ALK: variants seen among roughly 807,000 people sequenced by gnomAD.
The protein encoded by ALK is ALK tyrosine kinase receptor.
A neutral mutation model predicts 163.1 loss-of-function variants in ALK; 74 were observed. The observed-to-expected ratio is 0.45, with a 90% CI of 0.38 to 0.55. The LOEUF (loss-of-function observed/expected upper bound fraction) is 0.55. Ranked by LOEUF, ALK falls within the 20% of genes least tolerant of loss-of-function variation. ALK has a pLI of 0.00. For synonymous variants in ALK, 960 were observed against 843.2 expected, an observed-to-expected ratio of 1.14 and a Z score of -2.40; for missense variants, 2,063 against 2,105.3, an observed-to-expected ratio of 0.98 and a Z score of 0.39.
chr2:29,387,049 C>T (rs1210071902), intron 4 of ALK, among the ~76,000 whole-genome samples: 3 of 152,172 alleles, frequency 2.0e-5, no homozygotes, highest in African/African-American at 7.2e-5. Flanking sequence ...TGGAGACAAA[C>T]GTACAGCTGG....
intron 3 of ALK, among the ~76,000 whole-genome samples, chr2:29,571,416 G>A (rs1214197190): frequency 2.0e-5 from 3 of 152,108 alleles, no homozygotes; most frequent in Non-Finnish European, 2.9e-5. Flanking sequence ...TCTTGTGATA[G>A]TGAGTTCTCA....
chr2:29,356,885 G>C (rs902847958), intron 5 of ALK, among the ~76,000 whole-genome samples: 4 of 152,062 alleles, frequency 2.6e-5, no homozygotes, highest in African/African-American at 9.7e-5. Context: ...CCAGGTTCCT[G>C]GGCATGAGCT....
At chr2:29,762,651 G>A (rs983643163) in intron 1 of ALK, among the ~76,000 whole-genome samples, 3 of 152,194 alleles carry the variant, frequency 2.0e-5, no homozygotes, top group African/African-American at 7.2e-5. Context: ...AGACATATGT[G>A]GCTCTGAACT....
Position 29,275,494 on chromosome 2 carries a change from A to C in ALK, c.1820T>G (p.Phe607Cys). The C allele has an allele frequency of 6.2e-7, 1 of 1,614,058 alleles. No individual in the cohort carries two copies. The highest frequency in any genetic ancestry group is 8.5e-7 in the Non-Finnish European group (1 of 1,179,962). The change falls in exon 10 of 29, where the codon TTC becomes TGC. Residue 607 changes from phenylalanine (F) to cysteine (C), a missense_variant and splice_region_variant. Physicochemically the swap from Phe to Cys is radical, Grantham distance 205 (BLOSUM62 -2). This residue lies in a region of ALK where 987 missense variants were observed against 939.5 expected (regional missense o/e 1.05). Transcript: ENST00000389048. ...CCACCATGCGACCATCTGCAGCCAGAACCTGTACACATCAAGAGGAATGTG... is the reference window on the plus strand; with the variant it reads ...CCACCATGCGACCATCTGCAGCCAGCACCTGTACACATCAAGAGGAATGTG... ...VLPLLDVSDR[F>C]WLQMVAWWGQ...
intron 3 of ALK, among the ~76,000 whole-genome samples, chr2:29,637,680 G>A (rs1476253543): frequency 7.4e-6 from 1 of 134,284 alleles, no homozygotes; most frequent in Admixed American, 7.9e-5. Context: ...CCGCACTCCA[G>A]CCTGGGTGAC....
At chr2:29,625,783 G>A (rs1160695890) in intron 3 of ALK, among the ~76,000 whole-genome samples, 2 of 152,206 alleles carry the variant, frequency 1.3e-5, no homozygotes, top group Non-Finnish European at 2.9e-5. Context: ...TGCTGCTGGA[G>A]GGCCAGGCTC....
chr2:29,473,298 C>T (rs1573383429), intron 4 of ALK, among the ~76,000 whole-genome samples: 1 of 152,136 alleles, frequency 6.6e-6, no homozygotes, highest in Non-Finnish European at 1.5e-5. Context: ...GAGCCTATAC[C>T]TCTACTTAAT....
At chr2:29,674,153 G>T (rs1677798202) in intron 3 of ALK, among the ~76,000 whole-genome samples, 1 of 151,160 alleles carries the variant, frequency 6.6e-6, no homozygotes, top group Admixed American at 6.6e-5. Context: ...TTTCCTAATT[G>T]AATACCCTTT....
intron 1 of ALK, among the ~76,000 whole-genome samples, chr2:29,859,761 G>T (rs986166286): frequency 6.6e-6 from 1 of 152,214 alleles, no homozygotes. Flanking sequence ...AAGACGGTTT[G>T]GTCACATAGG....
chr2:29,560,474 T>C (rs1673989686), intron 3 of ALK, among the ~76,000 whole-genome samples: 1 of 152,182 alleles, frequency 6.6e-6, no homozygotes, highest in Non-Finnish European at 1.5e-5. Flanking sequence ...TTTTTTGGGG[T>C]GATAAAAAAT....
chr2:29,552,936 G>A lies in ALK; in HGVS notation c.953-20820C>T, dbSNP rs114401996. Reference sequence around the variant, plus strand: ...TGAAGCTGTTCTCAATGCCCCCACAGTTCTTGTAGACACCATGCCTTCATC... The same window carrying A: ...TGAAGCTGTTCTCAATGCCCCCACAATTCTTGTAGACACCATGCCTTCATC... On this transcript the variant is annotated intron_variant, in intron 3 of 28. Coordinates refer to ENST00000389048, the MANE Select transcript of ALK (RefSeq NM_004304.5). Among the ~76,000 whole-genome samples, 1,386 of 152,218 alleles carry A rather than the reference G, an allele frequency of 9.1e-3. 18 individuals are homozygous for A. Among genetic ancestry groups the A allele is most frequent in the African/African-American group, 0.031 (1,306 of 41,536 alleles).
chr2:29,835,443 T>C (rs1484355338), intron 1 of ALK, among the ~76,000 whole-genome samples: 1 of 152,198 alleles, frequency 6.6e-6, no homozygotes, highest in African/African-American at 2.4e-5. Flanking sequence ...TGTACAGAAC[T>C]GAAAATGAAG....
intron 4 of ALK, among the ~76,000 whole-genome samples, chr2:29,461,877 ACT>A (rs1671091803): frequency 1.3e-5 from 2 of 152,148 alleles, no homozygotes; most frequent in East Asian, 1.9e-4. Flanking sequence ...GCAAATGGAA[ACT>A]CTTCTGGAAA....
chr2:29,367,279 A>G (rs568152964), intron 5 of ALK, among the ~76,000 whole-genome samples: 3 of 152,306 alleles, frequency 2.0e-5, no homozygotes, highest in African/African-American at 7.2e-5. Context: ...AGAGACTTTA[A>G]AGTCATTTTC....
intron 1 of ALK, among the ~76,000 whole-genome samples, chr2:29,734,944 A>G (rs1679850871): frequency 6.6e-6 from 1 of 152,168 alleles, no homozygotes; most frequent in Admixed American, 6.5e-5. Flanking sequence ...TGAATTGTAA[A>G]TTTAATTTTT....
intron 4 of ALK, among the ~76,000 whole-genome samples, chr2:29,499,358 A>C (rs1672110344): frequency 6.6e-6 from 1 of 151,972 alleles, no homozygotes; most frequent in South Asian, 2.1e-4. Flanking sequence ...CACCATGCCC[A>C]GTTAATTTTT....
chr2:29,822,508 C>T (rs779908188), intron 1 of ALK, among the ~76,000 whole-genome samples: 1 of 152,214 alleles, frequency 6.6e-6, no homozygotes, highest in Non-Finnish European at 1.5e-5. Context: ...TCCTGGGCTG[C>T]CTCATTTCAG....
chr2:29,233,706 C>CA lies in ALK; in HGVS notation c.2356-11dup. 3 of 1,614,208 alleles carry CA rather than the reference C, an allele frequency of 1.9e-6. No homozygotes were observed. The highest frequency in any genetic ancestry group is 1.1e-5 in the South Asian group (1 of 91,084). On this transcript the variant is annotated splice_polypyrimidine_tract_variant and intron_variant, in intron 13 of 28. Transcript: ENST00000389048. ...GGATTAACTGGTTTGTCTGTAGAAACAAAAAGCACGTTAGGTTTGTGGCCA... is the reference window on the plus strand; with the variant it reads ...GGATTAACTGGTTTGTCTGTAGAAACAAAAAAGCACGTTAGGTTTGTGGCCA...
rs768229646 is a variant in ALK at position 29,920,262 on chromosome 2, C to T, written c.398G>A (p.Arg133His). Reference sequence around the variant, plus strand: ...CAACTGCTTGGCACGCCGGAGCTTGCGCACGGAGCCGCCCTTCAGCACCCT... The same window carrying T: ...CAACTGCTTGGCACGCCGGAGCTTGTGCACGGAGCCGCCCTTCAGCACCCT... ...LSRVLKGGSVRKLRRAKQLVL... is the reference protein window; with the variant it reads ...LSRVLKGGSVHKLRRAKQLVL... The change falls in exon 1 of 29, where the codon CGC becomes CAC. Residue 133 changes from arginine to histidine, a missense_variant. Arg to His is a conservative substitution (Grantham distance 29, BLOSUM62 0). Transcript: ENST00000389048. The T allele has an allele frequency of 1.4e-5, 22 of 1,597,742 alleles. No individual in the cohort carries two copies. In the South Asian group the frequency reaches 1.8e-4, roughly 13 times the overall value.
Sources: gnomAD v4.1 joint callset for allele counts (sites outside exome capture counted in the v4.1 genomes callset) on GRCh38, gnomAD v4.1.1 for gene constraint, gnomAD v4.1.1 regional missense constraint, MANE v1.5 for transcripts, NCBI Gene and HGNC (gene_info 2026-07-23, HGNC 2026-07-21) for gene names.